ENTREP2: variants seen among roughly 807,000 people sequenced by gnomAD.
ENTREP2 encodes endosomal transmembrane epsin interactor 2.
At chr15:29,500,573 A>G in the ENTREP2 span, among the ~76,000 whole-genome samples, 1 of 152,068 alleles carries the variant, frequency 6.6e-6, no homozygotes, top group Admixed American at 6.5e-5. Context: ...CTAAAGCTTA[A>G]TCTTTCATAT....
At chr15:29,597,723 A>C in the ENTREP2 span, among the ~76,000 whole-genome samples, 1 of 150,362 alleles carries the variant, frequency 6.7e-6, no homozygotes, top group Non-Finnish European at 1.5e-5. Context: ...GACCATTATG[A>C]ATAGAGCTGC....
the ENTREP2 span, among the ~76,000 whole-genome samples, chr15:29,520,574 G>A: frequency 5.1e-4 from 77 of 150,492 alleles, no homozygotes; most frequent in Non-Finnish European, 5.9e-4. Context: ...CACTGCCCAT[G>A]TTTCCTATAA....
chr15:29,224,716 A>G, the ENTREP2 span, among the ~76,000 whole-genome samples: 1 of 152,180 alleles, frequency 6.6e-6, no homozygotes, highest in Admixed American at 6.5e-5. Context: ...CAGACTCAGG[A>G]GCCCAGCTGG....
At chr15:29,213,618 T>A in the ENTREP2 span, among the ~76,000 whole-genome samples, 1 of 152,174 alleles carries the variant, frequency 6.6e-6, no homozygotes, top group Non-Finnish European at 1.5e-5. Flanking sequence ...TAAGAATGCT[T>A]GTATTTTTGC....
At chr15:29,139,437 C>T in the ENTREP2 span, among the ~76,000 whole-genome samples, 8 of 152,166 alleles carry the variant, frequency 5.3e-5, no homozygotes, top group Non-Finnish European at 7.3e-5. Flanking sequence ...AGAAGCAGGG[C>T]GAGGGCAAAT....
chr15:29,408,828 G>A, the ENTREP2 span, among the ~76,000 whole-genome samples: 148 of 152,152 alleles, frequency 9.7e-4, no homozygotes, highest in Admixed American at 2.4e-3. Flanking sequence ...AGCCTGTCAC[G>A]TTAACAATTT....
the ENTREP2 span, among the ~76,000 whole-genome samples, chr15:29,388,779 T>C: frequency 3.9e-5 from 6 of 152,080 alleles, no homozygotes; most frequent in African/African-American, 9.7e-5. Context: ...GAATACTATG[T>C]AGCCATAAAA....
the ENTREP2 span, among the ~76,000 whole-genome samples, chr15:29,124,183 A>C: frequency 2.0e-5 from 3 of 152,164 alleles, no homozygotes; most frequent in African/African-American, 7.2e-5. Flanking sequence ...AGCTCCCCAC[A>C]GAGCTGACAG....
chr15:29,192,252 T>G, the ENTREP2 span, among the ~76,000 whole-genome samples: 1 of 152,260 alleles, frequency 6.6e-6, no homozygotes, highest in South Asian at 2.1e-4. Context: ...TTGGCTGACT[T>G]TCAGATTTTT....
At chr15:29,185,152 T>C in the ENTREP2 span, among the ~76,000 whole-genome samples, 1 of 152,084 alleles carries the variant, frequency 6.6e-6, no homozygotes, top group East Asian at 1.9e-4. Context: ...CTTCCAGATA[T>C]TGTCCCAGCA....
chr15:29,349,908 TTAAA>T, the ENTREP2 span, among the ~76,000 whole-genome samples: 4 of 151,988 alleles, frequency 2.6e-5, no homozygotes, highest in East Asian at 3.9e-4. Context: ...TCAAAATAAA[TTAAA>T]TAAATAAAAA....
chr15:29,633,689 G>A, the ENTREP2 span, among the ~76,000 whole-genome samples: 20 of 152,308 alleles, frequency 1.3e-4, 1 homozygote, highest in South Asian at 1.5e-3. Context: ...GGCCGGGCAC[G>A]GTGGCTCACG....
the ENTREP2 span, among the ~76,000 whole-genome samples, chr15:29,390,520 C>T: frequency 1.3e-5 from 2 of 152,172 alleles, no homozygotes; most frequent in Admixed American, 6.5e-5. Flanking sequence ...GACGCCAACT[C>T]GCTCTTTTCT....
the ENTREP2 span, among the ~76,000 whole-genome samples, chr15:29,630,812 C>A: frequency 5.9e-5 from 9 of 152,130 alleles, no homozygotes; most frequent in Middle Eastern, 3.2e-3. Flanking sequence ...CTCAGCCTCC[C>A]GAGTAGTTGG....
At chr15:29,336,101 C>T in the ENTREP2 span, among the ~76,000 whole-genome samples, 1 of 137,958 alleles carries the variant, frequency 7.2e-6, no homozygotes, top group Non-Finnish European at 1.5e-5. Flanking sequence ...GAGATCACGC[C>T]ACTGCAATCC....
the ENTREP2 span, among the ~76,000 whole-genome samples, chr15:29,578,659 C>T: frequency 4.6e-5 from 7 of 152,272 alleles, no homozygotes; most frequent in Admixed American, 2.6e-4. Context: ...AAACATTACG[C>T]ACTTTATGAA....
the ENTREP2 span, among the ~76,000 whole-genome samples, chr15:29,188,846 C>G: frequency 1.6e-4 from 24 of 152,168 alleles, no homozygotes; most frequent in African/African-American, 5.5e-4. Flanking sequence ...AAAATCGATC[C>G]TGCCTACATG....
the ENTREP2 span, among the ~76,000 whole-genome samples, chr15:29,372,336 T>C: frequency 6.6e-6 from 1 of 152,196 alleles, no homozygotes; most frequent in African/African-American, 2.4e-5. Flanking sequence ...CTTTTTGAAA[T>C]GATATTTTCT....
the ENTREP2 span, among the ~76,000 whole-genome samples, chr15:29,159,995 C>G: frequency 6.6e-6 from 1 of 152,222 alleles, no homozygotes; most frequent in Non-Finnish European, 1.5e-5. Context: ...CCGGGAGGCT[C>G]GGGCCGCACA....
Sources: allele counts gnomAD v4.1 joint callset (sites outside exome capture counted in the v4.1 genomes callset), GRCh38; gene constraint gnomAD v4.1.1; transcripts MANE v1.5; gene names NCBI Gene and HGNC (gene_info 2026-07-23, HGNC 2026-07-21).